NSUN2: variants seen among roughly 807,000 people sequenced by gnomAD.
The protein encoded by NSUN2 is RNA cytosine C(5)-methyltransferase NSUN2.
In NSUN2, 63 loss-of-function variants were observed where a neutral mutation model predicts 92.7. That is an observed-to-expected ratio of 0.68 (90% confidence interval 0.56 to 0.84). The LOEUF is 0.84. NSUN2 is among the 40% of genes least tolerant of loss of function. The pLI is 0.00. For missense variants in NSUN2, 989 were observed against 964.9 expected, an observed-to-expected ratio of 1.02 and a Z score of -0.33; for synonymous variants, 356 against 348.3, an observed-to-expected ratio of 1.02 and a Z score of -0.25.
At chr5:6,613,263 A>G (rs1192089903) in intron 9 of NSUN2, among the ~76,000 whole-genome samples, 3 of 152,272 alleles carry the variant, frequency 2.0e-5, no homozygotes, top group African/African-American at 4.8e-5. Context: ...TTTAAGATAT[A>G]CACAACACAA....
Position 6,600,086 on chromosome 5 carries a change from A to G in NSUN2, c.2144T>C (p.Val715Ala), listed in dbSNP as rs1234402739. ...GGCTGCACTCTCATTTGTGAGGATAACCCCTTCCTTCTTCTTTTCTCCCAA... is the reference window on the plus strand; with the variant it reads ...GGCTGCACTCTCATTTGTGAGGATAGCCCCTTCCTTCTTCTTTTCTCCCAA... ...EVLGEKKKEGVILTNESAAST... is the reference protein window; with the variant it reads ...EVLGEKKKEGAILTNESAAST... Residue 715 changes from valine (V) to alanine (A), a missense_variant, in exon 19 of 19, where the codon GTT (valine) becomes GCT (alanine). Physicochemically the swap from Val to Ala is moderately conservative, Grantham distance 64. Coordinates refer to ENST00000264670, the MANE Select transcript of NSUN2 (RefSeq NM_017755.6). The G allele has an allele frequency of 1.2e-6, 2 of 1,613,956 alleles. No individual in the cohort carries two copies. The highest frequency in any genetic ancestry group is 2.7e-5 in the African/African-American group (2 of 74,854).
At chr5:6,619,313 TACTG>T (rs1187373172) in intron 7 of NSUN2, among the ~76,000 whole-genome samples, 3 of 152,228 alleles carry the variant, frequency 2.0e-5, no homozygotes, top group Admixed American at 2.0e-4. Flanking sequence ...CTCTGCCACT[TACTG>T]AAACAAAATG....
chr5:6,625,838 A>G (rs1194311715), intron 3 of NSUN2, among the ~76,000 whole-genome samples, 169 bp from the exon 4 acceptor site: 3 of 152,238 alleles, frequency 2.0e-5, no homozygotes, highest in African/African-American at 7.2e-5. Flanking sequence ...ATGTCGCTGT[A>G]GGCTTAAGGA....
At chr5:6,613,225 T>C (rs1048116894) in intron 9 of NSUN2, among the ~76,000 whole-genome samples, 1 of 152,174 alleles carries the variant, frequency 6.6e-6, no homozygotes, top group Non-Finnish European at 1.5e-5. Context: ...CTATGACATA[T>C]TGGAATGTTA....
Position 6,632,754 on chromosome 5 carries a change from G to C in NSUN2, c.99C>G (p.Gly33=), listed in dbSNP as rs748008367. 25 of 1,613,300 alleles carry C rather than the reference G, an allele frequency of 1.5e-5. No individual in the cohort carries two copies. The highest frequency in any genetic ancestry group is 1.0e-4 in the Admixed American group (6 of 59,950). The change falls in exon 2 of 19, where the codon GGC becomes GGG. Residue 33 remains glycine (G), a splice_region_variant and synonymous_variant. Coordinates refer to ENST00000264670, the MANE Select transcript of NSUN2 (RefSeq NM_017755.6). Reference sequence around the variant, plus strand: ...CGATCTCGGGGTAGCCTCCTTCCCAGCCCTGAGGAAGGAAAGAGACGTCTA... The same window carrying C: ...CGATCTCGGGGTAGCCTCCTTCCCACCCCTGAGGAAGGAAAGAGACGTCTA... ...AEGGGKRGEA[G]WEGGYPEIVK...
At position 6,611,089 on chromosome 5, in the gene NSUN2, C is replaced by T. The variant is rs763759964; in HGVS notation, c.1096-4G>A. 10 of 1,613,988 alleles carry T rather than the reference C, an allele frequency of 6.2e-6. No homozygotes were observed. Among genetic ancestry groups the T allele is most frequent in the African/African-American group, 1.3e-5 (1 of 74,896 alleles). The stretch of plus-strand genomic sequence containing the variant: ...ACTGCCCATCTTTCGTCATTACCTG[C>T]AGAACCACAGGGTACATTCCAGATT... On this transcript the variant is annotated splice_polypyrimidine_tract_variant and splice_region_variant and intron_variant, in intron 10 of 18. Coordinates refer to ENST00000264670, the MANE Select transcript of NSUN2 (RefSeq NM_017755.6).
chr5:6,608,282 T>C (rs770888263), intron 12 of NSUN2, among the ~76,000 whole-genome samples: 3 of 152,226 alleles, frequency 2.0e-5, no homozygotes, highest in Non-Finnish European at 4.4e-5. Context: ...TCTTGTTGAG[T>C]CCAGCTCCAA....
intron 11 of NSUN2, 31 bp downstream of exon 11, chr5:6,610,924 C>G (rs752446183): frequency 7.4e-6 from 12 of 1,612,638 alleles, no homozygotes; most frequent in South Asian, 3.3e-5. Context: ...ACCTTCCCCC[C>G]TCCCCACACC....
chr5:6,623,232 G>C lies in NSUN2; in HGVS notation c.519C>G (p.Asn173Lys), dbSNP rs774801509. 5 of 1,603,208 alleles carry C rather than the reference G, an allele frequency of 3.1e-6. No homozygotes were observed. Among genetic ancestry groups the C allele is most frequent in the African/African-American group, 1.4e-5 (1 of 73,558 alleles). Residue 173 changes from asparagine to lysine, a missense_variant, in exon 5 of 19, where the codon AAC (asparagine) becomes AAG (lysine). Physicochemically the swap from Asn to Lys is moderately conservative, Grantham distance 94 (BLOSUM62 0). Around this residue, in one of 3 missense-constraint regions of NSUN2, gnomAD observed 356 missense variants for 338.6 expected, o/e 1.05. Transcript: ENST00000264670. ...ATGCTACCTTATGATGAGGCCGCACGTTGAGGAGCAGTGGTGGGATCATGC... is the reference window on the plus strand; with the variant it reads ...ATGCTACCTTATGATGAGGCCGCACCTTGAGGAGCAGTGGTGGGATCATGC... ...AVSMIPPLLL[N>K]VRPHHKILDM...
chr5:6,633,002 G>T lies in NSUN2; in HGVS notation c.-23C>A. ...CATAGCCCACGCGGCCGCGCACGCA[G>T]CACGCAGAAACCGGCCCGCCACGGC... On this transcript the variant is annotated 5_prime_UTR_variant, in exon 1 of 19. In the 5' UTR this introduces an upstream ATG that the reference lacks. Coordinates refer to ENST00000264670, the MANE Select transcript of NSUN2 (RefSeq NM_017755.6). The T allele has an allele frequency of 7.0e-7, 1 of 1,429,556 alleles. No individual in the cohort carries two copies. The highest frequency in any genetic ancestry group is 9.1e-7 in the Non-Finnish European group (1 of 1,103,050). 88.6% of individuals were successfully genotyped at this position (1,429,556 alleles called of 1,614,324 possible). A position where few individuals can be genotyped will look rare whatever the true frequency, so the allele number is the denominator to read the frequency against.
At chr5:6,601,559 A>G (rs1736558226) in intron 18 of NSUN2, among the ~76,000 whole-genome samples, 1 of 151,940 alleles carries the variant, frequency 6.6e-6, no homozygotes, top group Non-Finnish European at 1.5e-5. Flanking sequence ...CTGAACCCTG[A>G]GGACATGTGG....
intron 9 of NSUN2, among the ~76,000 whole-genome samples, chr5:6,612,961 C>T (rs1162969841): frequency 6.6e-6 from 1 of 152,228 alleles, no homozygotes; most frequent in East Asian, 1.9e-4. Flanking sequence ...AGCAACCACC[C>T]ACTCTAAGGC....
chr5:6,610,737 T>C (rs933448984), intron 11 of NSUN2, among the ~76,000 whole-genome samples: 4 of 151,196 alleles, frequency 2.6e-5, no homozygotes, highest in African/African-American at 4.9e-5. Flanking sequence ...ATTTAGATTC[T>C]AGCCAATTTC....
intron 4 of NSUN2, 134 bp downstream of exon 4, chr5:6,625,430 C>A (rs1737616812): frequency 1.6e-6 from 1 of 632,758 alleles, no homozygotes; most frequent in Non-Finnish European, 2.8e-6. Flanking sequence ...AGGTGGTGCA[C>A]ACACTGCAGT....
At position 6,605,264 on chromosome 5, in the gene NSUN2, G is replaced by A. The variant is rs375163317; in HGVS notation, c.1737+9C>T. 3.2e-5 allele frequency: 51 copies of A among 1,613,828 alleles called. No individual in the cohort carries two copies. The highest frequency in any genetic ancestry group is 4.0e-5 in the African/African-American group (3 of 74,912). On this transcript the variant is annotated intron_variant, in intron 15 of 18. Transcript: ENST00000264670. Reference sequence around the variant, plus strand: ...ATCACACAGCACTCAGCGTCTGTGCGGCTGGCACCTTCATCTTCTCACTGT... The same window carrying A: ...ATCACACAGCACTCAGCGTCTGTGCAGCTGGCACCTTCATCTTCTCACTGT...
rs1490906917 is a variant in NSUN2, at chr5:6,632,954, C to T, written c.26G>A (p.Arg9Gln). The T allele has an allele frequency of 3.3e-6, 5 of 1,496,626 alleles. No homozygotes were observed. The highest frequency in any genetic ancestry group is 2.8e-5 in the East Asian group (1 of 36,280). The allele number at this position is 1,496,626 out of a possible 1,614,324, so 92.7% of individuals were successfully genotyped here. A position where few individuals can be genotyped will look rare whatever the true frequency, so the allele number is the denominator to read the frequency against. The change falls in exon 1 of 19, where the codon CGG becomes CAG. Residue 9 changes from arginine to glutamine, a missense_variant. By Grantham distance (43) the Arg-to-Gln change is conservative. This residue lies in a region of NSUN2 where 356 missense variants were observed against 338.6 expected (regional missense o/e 1.05). Transcript: ENST00000264670. ...CTCCGGCCGCTGCTGTTGCTGGAGC[C>T]GCCGACCCCGCGACCGCCGCCCCAT... MGRRSRGR[R>Q]LQQQQRPEDA...
chr5:6,628,522 T>C (rs189896160), intron 3 of NSUN2, among the ~76,000 whole-genome samples: 1 of 152,224 alleles, frequency 6.6e-6, no homozygotes, highest in East Asian at 1.9e-4. Flanking sequence ...TACATAACTT[T>C]CCTTCTAGAA....
chr5:6,616,090 G>GT (rs1737199502), intron 9 of NSUN2, among the ~76,000 whole-genome samples: 1 of 152,162 alleles, frequency 6.6e-6, no homozygotes, highest in Non-Finnish European at 1.5e-5. Context: ...GCATGGTGGG[G>GT]TCCCCCCAAA....
At chr5:6,604,791 G>A (rs1736695038) in intron 15 of NSUN2, 106 bp from the exon 16 acceptor site, 2 of 917,916 alleles carry the variant, frequency 2.2e-6, no homozygotes, top group African/African-American at 1.7e-5. Context: ...GGAAAGGAGA[G>A]GAGAAGCAGA....
Sources: gnomAD v4.1 joint callset for allele counts (sites outside exome capture counted in the v4.1 genomes callset) on GRCh38, gnomAD v4.1.1 for gene constraint, gnomAD v4.1.1 regional missense constraint, MANE v1.5 for transcripts, NCBI Gene and HGNC (gene_info 2026-07-23, HGNC 2026-07-21) for gene names.